ADAMTSL1: variants seen among roughly 807,000 people sequenced by gnomAD.
ADAMTSL1 encodes the protein ADAMTS-like protein 1.
ADAMTSL1 carries 126 observed loss-of-function variants against 201.8 expected under a neutral mutation model. The ratio of observed to expected loss-of-function variants is 0.62; its 90% CI spans 0.54 to 0.72. The LOEUF is 0.72. Among genes scored for constraint, ADAMTSL1 ranks in the 30% least tolerant of loss-of-function variants. The pLI is 0.00. For synonymous variants in ADAMTSL1, 1,121 were observed against 903.4 expected, an observed-to-expected ratio of 1.24 and a Z score of -4.32; for missense variants, 2,679 against 2,277.8, an observed-to-expected ratio of 1.18 and a Z score of -3.59.
intron 23 of ADAMTSL1, among the ~76,000 whole-genome samples, chr9:18,853,376 G>A (rs1826623778): frequency 6.6e-6 from 1 of 152,176 alleles, no homozygotes; most frequent in Non-Finnish European, 1.5e-5. Context: ...GGATAGTTTG[G>A]TGGGTTAGGG....
At chr9:18,789,654 G>T (rs1014582040) in intron 19 of ADAMTSL1, among the ~76,000 whole-genome samples, 1 of 152,146 alleles carries the variant, frequency 6.6e-6, no homozygotes, top group Non-Finnish European at 1.5e-5. Context: ...AAAAGGCTTC[G>T]TAGTGGAGTT....
intron 1 of ADAMTSL1, among the ~76,000 whole-genome samples, chr9:18,133,605 G>C (rs1826037956): frequency 6.6e-6 from 1 of 152,084 alleles, no homozygotes; most frequent in South Asian, 2.1e-4. Flanking sequence ...TTTTGATTCT[G>C]TTGGCCTGGA....
intron 14 of ADAMTSL1, among the ~76,000 whole-genome samples, chr9:18,717,124 T>C (rs1467629024): frequency 1.3e-5 from 2 of 149,438 alleles, no homozygotes; most frequent in East Asian, 2.0e-4. Context: ...TTGGGAGATA[T>C]ACCTAATGCC....
intron 2 of ADAMTSL1, among the ~76,000 whole-genome samples, chr9:18,333,755 G>T (rs1374776802): frequency 1.3e-5 from 2 of 152,136 alleles, no homozygotes; most frequent in African/African-American, 4.8e-5. Context: ...GTTCATCAGA[G>T]GAGACAGATT....
rs144701433 is a variant in ADAMTSL1 at position 18,352,944 on chromosome 9, G to T, written c.208-151885G>T. Among the ~76,000 whole-genome samples, 187 of 152,310 alleles carry T rather than the reference G, an allele frequency of 1.2e-3. 1 individual carries two copies. Among genetic ancestry groups the T allele is most frequent in the African/African-American group, 4.3e-3 (178 of 41,586 alleles). On this transcript the variant is annotated intron_variant, in intron 2 of 29. Transcript: ENST00000680146. ...GTAGTCCATGACTAACCCCATTAGAGGCCCTTAATACAGTGAGAAACACAC... is the reference window on the plus strand; with the variant it reads ...GTAGTCCATGACTAACCCCATTAGATGCCCTTAATACAGTGAGAAACACAC...
intron 20 of ADAMTSL1, among the ~76,000 whole-genome samples, chr9:18,807,633 G>C (rs374643198): frequency 6.4e-5 from 9 of 141,060 alleles, no homozygotes; most frequent in Admixed American, 5.2e-4. Context: ...GCGACAGAGC[G>C]AGACTCTGTC....
At chr9:17,965,918 G>A (rs1360429233) in intron 1 of ADAMTSL1, among the ~76,000 whole-genome samples, 1 of 152,094 alleles carries the variant, frequency 6.6e-6, no homozygotes, top group Non-Finnish European at 1.5e-5. Flanking sequence ...ACATCTACTA[G>A]CCAGGAACTA....
intron 2 of ADAMTSL1, among the ~76,000 whole-genome samples, chr9:18,397,900 T>G (rs891415174): frequency 1.3e-5 from 2 of 152,148 alleles, no homozygotes; most frequent in African/African-American, 2.4e-5. Context: ...GGATTCAACT[T>G]GATGTTTTCT....
chr9:18,099,353 AT>A lies in ADAMTSL1; in HGVS notation c.88-64508del, dbSNP rs1824404233. 8.7e-5 allele frequency among the ~76,000 whole-genome samples: 4 copies of A among 45,856 alleles called. No homozygotes were observed. The Admixed American group carries it at 9.9e-4, about 11-fold the overall frequency. 30.1% of individuals were successfully genotyped at this position (45,856 alleles called of 152,430 possible). On this transcript the variant is annotated intron_variant, in intron 1 of 29. Transcript: ENST00000680146. Reference sequence around the variant, plus strand: ...TATATATATATATATATATATATATATATTTTTTTTTTTTTTTTTAACATCC... The same window carrying A: ...TATATATATATATATATATATATATAATTTTTTTTTTTTTTTTTAACATCC...
chr9:18,424,673 C>T (rs765175440), intron 2 of ADAMTSL1, among the ~76,000 whole-genome samples: 1 of 152,168 alleles, frequency 6.6e-6, no homozygotes, highest in Non-Finnish European at 1.5e-5. Context: ...TTTATTCACT[C>T]ACAGTCTAGA....
At chr9:18,436,111 C>T (rs751214891) in intron 2 of ADAMTSL1, among the ~76,000 whole-genome samples, 1 of 152,116 alleles carries the variant, frequency 6.6e-6, no homozygotes, top group African/African-American at 2.4e-5. Context: ...ATTGGGGGCA[C>T]CCTGGAGGGT....
At chr9:18,167,676 G>C (rs968244347) in intron 2 of ADAMTSL1, among the ~76,000 whole-genome samples, 1 of 151,864 alleles carries the variant, frequency 6.6e-6, no homozygotes, top group Non-Finnish European at 1.5e-5. Flanking sequence ...ACATTCTCAA[G>C]TAAAATGGAA....
chr9:18,767,089 T>C (rs1820410122), intron 16 of ADAMTSL1, among the ~76,000 whole-genome samples: 2 of 152,076 alleles, frequency 1.3e-5, no homozygotes, highest in Admixed American at 6.6e-5. Context: ...ATTAAATGAA[T>C]GGGGAAGACT....
chr9:18,310,315 C>G (rs1834080897), intron 2 of ADAMTSL1, among the ~76,000 whole-genome samples: 1 of 81,014 alleles, frequency 1.2e-5, no homozygotes, highest in South Asian at 4.4e-4. Flanking sequence ...GTAATGGCAA[C>G]AAAAAACAAA....
At chr9:18,570,613 C>T (rs1189771007) in intron 3 of ADAMTSL1, among the ~76,000 whole-genome samples, 1 of 152,122 alleles carries the variant, frequency 6.6e-6, no homozygotes, top group Non-Finnish European at 1.5e-5. Context: ...ATTTGATGTC[C>T]AAGAAGCTTT....
chr9:18,181,752 A>G (rs1007481822), intron 2 of ADAMTSL1, among the ~76,000 whole-genome samples: 16 of 151,550 alleles, frequency 1.1e-4, no homozygotes, highest in Admixed American at 3.3e-4. Flanking sequence ...ATCTAGAACT[A>G]GAAATACCAT....
At chr9:18,624,253 C>T (rs1391405189) in intron 5 of ADAMTSL1, among the ~76,000 whole-genome samples, 2 of 152,174 alleles carry the variant, frequency 1.3e-5, no homozygotes, top group African/African-American at 4.8e-5. Context: ...ATTGATATAA[C>T]ACATTCAGGT....
chr9:18,466,742 A>G (rs1821020971), intron 2 of ADAMTSL1, among the ~76,000 whole-genome samples: 1 of 152,112 alleles, frequency 6.6e-6, no homozygotes, highest in Non-Finnish European at 1.5e-5. Flanking sequence ...GACATAATAT[A>G]TAATTATGAT....
intron 1 of ADAMTSL1, among the ~76,000 whole-genome samples, chr9:17,912,860 G>A (rs917302025): frequency 1.3e-4 from 19 of 151,158 alleles, no homozygotes; most frequent in Admixed American, 2.0e-4. Context: ...ATTGATTTTC[G>A]TATAAGGTGT....
Sources: allele counts gnomAD v4.1 joint callset (sites outside exome capture counted in the v4.1 genomes callset), GRCh38; gene constraint gnomAD v4.1.1; transcripts MANE v1.5; gene names NCBI Gene and HGNC (gene_info 2026-07-23, HGNC 2026-07-21).